Variants in SLC38A10 observed in about 807,000 individuals in gnomAD.
SLC38A10 encodes the protein solute carrier family 38 member 10.
Under a neutral mutation model 81.0 loss-of-function variants are expected in SLC38A10, and 53 were observed. That is an observed-to-expected ratio of 0.65 (90% CI 0.53 to 0.82). The LOEUF is 0.82. Among genes scored for constraint, SLC38A10 ranks in the 40% least tolerant of loss-of-function variants. The pLI is 0.00. For synonymous variants in SLC38A10, 665 were observed against 655.3 expected, an observed-to-expected ratio of 1.01 and a Z score of -0.23; for missense variants, 1,471 against 1,545.0, an observed-to-expected ratio of 0.95 and a Z score of 0.80.
At position 81,270,666 on chromosome 17, in the gene SLC38A10, C is replaced by T. The variant is rs2063107080; in HGVS notation, c.1131+252G>A. ...CACCATGGGGAAAGCGCTTACGACT[C>T]AGCTAAGTCGGCTCTCAGGAAAACC... On this transcript the variant is annotated intron_variant, in intron 10 of 15. Transcript: ENST00000374759. The surrounding 1 kb of genome is among the most constrained non-coding windows in gnomAD (Gnocchi z 4.0). Among the ~76,000 whole-genome samples the T allele has an allele frequency of 6.6e-6, 1 of 152,188 alleles. No individual in the cohort carries two copies. The highest frequency in any genetic ancestry group is 1.5e-5 in the Non-Finnish European group (1 of 68,040).
intron 10 of SLC38A10, among the ~76,000 whole-genome samples, chr17:81,267,148 G>A (rs1335709676): frequency 6.6e-6 from 1 of 152,140 alleles, no homozygotes; most frequent in Non-Finnish European, 1.5e-5. Context: ...AGTTAGGCCC[G>A]AATACATATA....
intron 8 of SLC38A10, among the ~76,000 whole-genome samples, chr17:81,274,101 T>C (rs1478886182): frequency 6.6e-6 from 1 of 152,232 alleles, no homozygotes; most frequent in African/African-American, 2.4e-5. Context: ...CAGATGCTGC[T>C]CAGGTACAAA....
chr17:81,289,831 C>T lies in SLC38A10; in HGVS notation c.100-23G>A. On this transcript the variant is annotated intron_variant, in intron 1 of 15. Transcript: ENST00000374759. This position sits in a 1 kb window ranked among gnomAD's most constrained non-coding sequence, Gnocchi z 5.9. ...GCACTGCAGGGTGGAGACAGGAACACATGTTCACAGCAGCAGGTGCTCCCC... is the reference window on the plus strand; with the variant it reads ...GCACTGCAGGGTGGAGACAGGAACATATGTTCACAGCAGCAGGTGCTCCCC... The T allele has an allele frequency of 3.9e-6, 6 of 1,557,982 alleles. No individual in the cohort carries two copies. Among genetic ancestry groups the T allele is most frequent in the Non-Finnish European group, 4.3e-6 (5 of 1,151,516 alleles).
chr17:81,251,222 G>T (rs775303765), intron 14 of SLC38A10: 1 of 1,430,532 alleles, frequency 7.0e-7, no homozygotes, highest in Admixed American at 2.1e-5. Context: ...GTTTTAAAGG[G>T]GAGCAAGGGA....
intron 13 of SLC38A10, 195 bp downstream of exon 13, chr17:81,252,000 A>G: frequency 1.3e-6 from 1 of 766,498 alleles, no homozygotes; most frequent in Non-Finnish European, 2.0e-6. Flanking sequence ...TGTGTGACAG[A>G]TATTACAGTA....
intron 11 of SLC38A10, among the ~76,000 whole-genome samples, chr17:81,259,428 C>A (rs1345715128): frequency 7.9e-5 from 12 of 152,188 alleles, no homozygotes; most frequent in African/African-American, 2.4e-5. Context: ...AAGACCCCAG[C>A]GTGAAGGTCA....
At chr17:81,250,278 T>C (rs1216990901) in intron 14 of SLC38A10, among the ~76,000 whole-genome samples, 5 of 152,344 alleles carry the variant, frequency 3.3e-5, no homozygotes, top group Non-Finnish European at 7.4e-5. Context: ...ACTCCTGAAG[T>C]GGCTCAGAGC....
chr17:81,250,657 G>A (rs553820255), intron 14 of SLC38A10, among the ~76,000 whole-genome samples: 1 of 152,354 alleles, frequency 6.6e-6, no homozygotes, highest in African/African-American at 2.4e-5. Context: ...TTGAGAGAAG[G>A]CTTGGACACT....
At position 81,245,952 on chromosome 17, in the gene SLC38A10, G is replaced by A. The variant is rs1445055538; in HGVS notation, c.2964C>T (p.Ala988=). The A allele has an allele frequency of 6.2e-7, 1 of 1,605,968 alleles. No individual in the cohort carries two copies. Among genetic ancestry groups the A allele is most frequent in the East Asian group, 2.2e-5 (1 of 44,714 alleles). The change falls in exon 16 of 16, where the codon GCC becomes GCT. Residue 988 remains alanine (A), a synonymous_variant. Transcript: ENST00000374759. ...ACACAGGCACATGGTCCCCCCCGCG[G>A]GCCTTTCTCATCTCCAGGTGACCGC... is the stretch of plus-strand genomic sequence containing the variant. The part of the protein sequence containing the change: ...DHGGHLEMRK[A]RGGDHVPVSH...
rs1397563850 is a variant in SLC38A10 at position 81,245,933 on chromosome 17, G to T, written c.2983C>A (p.Pro995Thr). ...MRKARGGDHV[P>T]VSHEQPRGGE... ...CCTCTCGGCTGCTCGTGGGACACAGGCACATGGTCCCCCCCGCGGGCCTTT... is the reference window on the plus strand; with the variant it reads ...CCTCTCGGCTGCTCGTGGGACACAGTCACATGGTCCCCCCCGCGGGCCTTT... Residue 995 changes from proline (P) to threonine (T), a missense_variant, in exon 16 of 16, where the codon CCT becomes ACT. By Grantham distance (38) the Pro-to-Thr change is conservative (BLOSUM62 -1). Coordinates refer to ENST00000374759, the MANE Select transcript of SLC38A10 (RefSeq NM_001037984.3). 1 of 1,609,514 alleles carries T rather than the reference G, an allele frequency of 6.2e-7. No individual in the cohort carries two copies. Among genetic ancestry groups the T allele is most frequent in the Non-Finnish European group, 8.5e-7 (1 of 1,177,844 alleles).
chr17:81,267,770 C>G (rs999244926), intron 10 of SLC38A10, among the ~76,000 whole-genome samples: 9 of 152,024 alleles, frequency 5.9e-5, no homozygotes, highest in Non-Finnish European at 1.0e-4. Context: ...CACTGGTAAA[C>G]AGCTCTGTCA....
Position 81,252,337 on chromosome 17 carries a change from C to T in SLC38A10, c.1803G>A (p.Arg601=). 1.2e-6 allele frequency: 2 copies of T among 1,612,964 alleles called. No homozygotes were observed. The highest frequency in any genetic ancestry group is 1.7e-6 in the Non-Finnish European group (2 of 1,179,904). Residue 601 remains arginine (R), a synonymous_variant, in exon 13 of 16, where the codon AGG becomes AGA. Transcript: ENST00000374759. ...PAKEDLGPGD[R]GLHPRPQAVL... ...CTGCCTGGGGCCGAGGATGCAGGCCCCTGTCTCCTGGCCCCAGGTCCTCCT... is the reference window on the plus strand; with the variant it reads ...CTGCCTGGGGCCGAGGATGCAGGCCTCTGTCTCCTGGCCCCAGGTCCTCCT...
At chr17:81,273,157 T>G (rs973228236) in intron 8 of SLC38A10, among the ~76,000 whole-genome samples, 1 of 152,212 alleles carries the variant, frequency 6.6e-6, no homozygotes, top group Non-Finnish European at 1.5e-5. Flanking sequence ...AAGGGCACGA[T>G]GAGGCCCTAA....
At chr17:81,251,825 A>C in intron 13 of SLC38A10, 1 of 549,312 alleles carries the variant, frequency 1.8e-6, no homozygotes, top group East Asian at 3.2e-5. Context: ...CAATGAGCCA[A>C]TGGTAACTGC....
At position 81,283,698 on chromosome 17, in the gene SLC38A10, C is replaced by T. The variant is rs1346432787; in HGVS notation, c.264-196G>A. On this transcript the variant is annotated intron_variant, in intron 3 of 15. Transcript: ENST00000374759. This position sits in a 1 kb window ranked among gnomAD's most constrained non-coding sequence, Gnocchi z 4.7. ...GTGAGATCTCGGCTCACTGCAAGCT[C>T]CGCCTCCCAGGTTCACGCCATTCTC... 6.6e-6 allele frequency among the ~76,000 whole-genome samples: 1 copy of T among 151,346 alleles called. No homozygotes were observed. The highest frequency in any genetic ancestry group is 2.4e-5 in the African/African-American group (1 of 41,160).
chr17:81,247,411 G>A (rs2062862810), intron 14 of SLC38A10: 1 of 221,990 alleles, frequency 4.5e-6, no homozygotes, highest in Non-Finnish European at 8.8e-6. Context: ...CCATGGAAGT[G>A]AGTGTCCAGA....
chr17:81,248,912 A>C (rs922612270), intron 14 of SLC38A10, among the ~76,000 whole-genome samples: 1 of 152,252 alleles, frequency 6.6e-6, no homozygotes, highest in Non-Finnish European at 1.5e-5. Context: ...CTGCAGGGAA[A>C]GGCCATGACG....
chr17:81,257,067 TCTGA>T (rs2062979766), intron 11 of SLC38A10, among the ~76,000 whole-genome samples: 1 of 152,194 alleles, frequency 6.6e-6, no homozygotes, highest in African/African-American at 2.4e-5. Context: ...CCTTCTCTCC[TCTGA>T]CTGTGGGGAC....
At chr17:81,249,246 G>A (rs1456604363) in intron 14 of SLC38A10, among the ~76,000 whole-genome samples, 1 of 34,472 alleles carries the variant, frequency 2.9e-5, no homozygotes. Flanking sequence ...GGAGAAGGAA[G>A]GTGGGGGAAG....
Sources: gnomAD v4.1 joint callset for allele counts (sites outside exome capture counted in the v4.1 genomes callset) on GRCh38, gnomAD v4.1.1 for gene constraint, Gnocchi (gnomAD v3.1) non-coding constraint, MANE v1.5 for transcripts, NCBI Gene and HGNC (gene_info 2026-07-23, HGNC 2026-07-21) for gene names.